The following MAP3K5 variants were observed in gnomAD, a reference collection of about 807,000 sequenced individuals.
MAP3K5 encodes ASK-1.
In MAP3K5, 56 loss-of-function variants were observed where a neutral mutation model predicts 158.7. That is an observed-to-expected ratio of 0.35 (90% confidence interval 0.28 to 0.44). The LOEUF (loss-of-function observed/expected upper bound fraction) is 0.44, where lower values mean the gene tolerates loss of function less well. Ranked by LOEUF, MAP3K5 falls within the 20% of genes least tolerant of loss-of-function variation. MAP3K5 has a pLI of 1.00. For synonymous variants in MAP3K5, 579 were observed against 601.7 expected (o/e 0.96, Z 0.55); for missense variants, 1,294 against 1,674.8 (o/e 0.77, Z 3.97).
intron 1 of MAP3K5, among the ~76,000 whole-genome samples, chr6:136,746,243 C>A (rs981651601): frequency 6.6e-5 from 10 of 151,822 alleles, no homozygotes; most frequent in African/African-American, 1.9e-4. Context: ...AATGAAAAAA[C>A]CAGACATAAA....
chr6:136,715,116 A>G (rs1583466140), intron 2 of MAP3K5, among the ~76,000 whole-genome samples: 1 of 152,346 alleles, frequency 6.6e-6, no homozygotes, highest in East Asian at 1.9e-4. Flanking sequence ...CACAAACTGC[A>G]TCACCACTAA....
At chr6:136,761,860 A>G (rs1032097521) in intron 1 of MAP3K5, among the ~76,000 whole-genome samples, 4 of 152,180 alleles carry the variant, frequency 2.6e-5, no homozygotes, top group Non-Finnish European at 5.9e-5. Flanking sequence ...TGGAGAAGGA[A>G]GGGAAGAAGG....
At chr6:136,678,689 T>A (rs1414044965) in intron 7 of MAP3K5, among the ~76,000 whole-genome samples, 1 of 152,142 alleles carries the variant, frequency 6.6e-6, no homozygotes, top group South Asian at 2.1e-4. Flanking sequence ...ATTTTTTTTT[T>A]ATTTTAGCAC....
rs140219877 is a variant in MAP3K5 at position 136,787,063 on chromosome 6, C to T, written c.448+4647G>A. On this transcript the variant is annotated intron_variant, in intron 1 of 29. Transcript: ENST00000359015. ...GCCATTTCACTTCAGGTGTCACCAC[C>T]TTTAAGAAGCTACCCCTTGCCAGGT... 4.3e-3 allele frequency among the ~76,000 whole-genome samples: 654 copies of T among 152,228 alleles called. 3 individuals carry two copies. Among genetic ancestry groups the T allele is most frequent in the African/African-American group, 0.015 (634 of 41,542 alleles).
chr6:136,620,183 T>C (rs771408423), intron 15 of MAP3K5, among the ~76,000 whole-genome samples: 10 of 152,106 alleles, frequency 6.6e-5, no homozygotes, highest in Non-Finnish European at 1.3e-4. Flanking sequence ...AGCATGAGCA[T>C]TGCTTGAACT....
chr6:136,655,234 T>G (rs549854253), intron 10 of MAP3K5, among the ~76,000 whole-genome samples: 128 of 152,358 alleles, frequency 8.4e-4, no homozygotes, highest in African/African-American at 3.0e-3. Context: ...AATTCTATGT[T>G]CTCTTCTTTC....
intron 14 of MAP3K5, among the ~76,000 whole-genome samples, chr6:136,636,010 G>A (rs991040256): frequency 6.6e-5 from 10 of 152,238 alleles, no homozygotes; most frequent in Admixed American, 3.3e-4. Context: ...AAATAAGTAT[G>A]CCAATTAGAC....
intron 3 of MAP3K5, among the ~76,000 whole-genome samples, chr6:136,701,016 A>G (rs1780832582): frequency 6.6e-6 from 1 of 152,244 alleles, no homozygotes; most frequent in South Asian, 2.1e-4. Flanking sequence ...GGGTATGAAC[A>G]GTCATAAGTC....
In MAP3K5 at chr6:136,583,783, A is replaced by C. The variant is rs1390184110; in HGVS notation, c.3226-43T>G. 3 of 1,563,568 alleles carry C rather than the reference A, an allele frequency of 1.9e-6. No individual in the cohort carries two copies. In the South Asian group the frequency reaches 3.4e-5, roughly 18 times the overall value. On this transcript the variant is annotated intron_variant, in intron 23 of 29. Transcript: ENST00000359015. Reference sequence around the variant, plus strand: ...CAATCCTTACATCAACATATGCTGGATATACCTGCCATGGTAATCCTATCT... The same window carrying C: ...CAATCCTTACATCAACATATGCTGGCTATACCTGCCATGGTAATCCTATCT...
intron 1 of MAP3K5, among the ~76,000 whole-genome samples, chr6:136,722,598 G>C (rs1247796771): frequency 6.6e-6 from 1 of 151,426 alleles, no homozygotes; most frequent in Admixed American, 6.6e-5. Flanking sequence ...GCAAAGTAAA[G>C]GAGTCAATGA....
intron 1 of MAP3K5, among the ~76,000 whole-genome samples, chr6:136,764,952 A>G (rs1783899971): frequency 6.6e-6 from 1 of 152,168 alleles, no homozygotes; most frequent in South Asian, 2.1e-4. Flanking sequence ...CTGAACATGT[A>G]TCTGCTTTGG....
Position 136,791,842 on chromosome 6 carries a change from C to T in MAP3K5, c.316G>A (p.Val106Met). Reference protein sequence around the residue: ...VINEASQGQLVVAESEALQSL... With the variant: ...VINEASQGQLMVAESEALQSL... ...TGCAGGGCCTCGCTCTCGGCCACCA[C>T]CAGTTGCCCTTGGCTCGCTTCGTTG... The change falls in exon 1 of 30, where the codon GTG becomes ATG. Residue 106 changes from valine (V) to methionine (M), a missense_variant. Val to Met is a conservative substitution (Grantham distance 21). Coordinates refer to ENST00000359015, the MANE Select transcript of MAP3K5 (RefSeq NM_005923.4). 2 of 1,613,902 alleles carry T rather than the reference C, an allele frequency of 1.2e-6. No individual in the cohort carries two copies. The highest frequency in any genetic ancestry group is 1.7e-6 in the Non-Finnish European group (2 of 1,180,026).
At chr6:136,597,822 T>C (rs1010672598) in intron 21 of MAP3K5, among the ~76,000 whole-genome samples, 1 of 152,196 alleles carries the variant, frequency 6.6e-6, no homozygotes, top group Admixed American at 6.5e-5. Flanking sequence ...GATCCATCAA[T>C]AGCTTCACTG....
chr6:136,577,048 T>G lies in MAP3K5; in HGVS notation c.3517+3253A>C, dbSNP rs901513740. Among the ~76,000 whole-genome samples the G allele has an allele frequency of 4.7e-4, 71 of 152,122 alleles. 1 individual carries two copies. Among genetic ancestry groups the G allele is most frequent in the African/African-American group, 1.7e-3 (69 of 41,412 alleles). On this transcript the variant is annotated intron_variant, in intron 25 of 29. Coordinates refer to ENST00000359015, the MANE Select transcript of MAP3K5 (RefSeq NM_005923.4). Reference sequence around the variant, plus strand: ...ACAAAATTGCCTAAGGACGCATGTCTCAGAACATAGCCCTGTCATTAAGCA... The same window carrying G: ...ACAAAATTGCCTAAGGACGCATGTCGCAGAACATAGCCCTGTCATTAAGCA...
At chr6:136,790,040 G>C (rs1923120) in intron 1 of MAP3K5, among the ~76,000 whole-genome samples, 85,038 of 151,926 alleles carry the variant, frequency 0.56, 23,921 homozygotes, top group Admixed American at 0.63. Context: ...TCCTGCATTG[G>C]CCACTTACTC....
intron 1 of MAP3K5, among the ~76,000 whole-genome samples, chr6:136,764,376 T>C (rs1783877354): frequency 6.6e-6 from 1 of 152,188 alleles, no homozygotes; most frequent in South Asian, 2.1e-4. Context: ...CATTCACTCA[T>C]AGAATGCTCC....
At chr6:136,718,351 G>A (rs1291653113) in intron 2 of MAP3K5, among the ~76,000 whole-genome samples, 1 of 152,136 alleles carries the variant, frequency 6.6e-6, no homozygotes, top group African/African-American at 2.4e-5. Context: ...TTACAGGCAT[G>A]TGCTGCCACA....
At chr6:136,747,598 G>A (rs1432684855) in intron 1 of MAP3K5, among the ~76,000 whole-genome samples, 2 of 152,206 alleles carry the variant, frequency 1.3e-5, no homozygotes, top group African/African-American at 2.4e-5. Context: ...AAGACTGGCA[G>A]ATTAAAAACA....
At chr6:136,791,662 A>C in intron 1 of MAP3K5, 48 bp downstream of exon 1, 1 of 1,588,412 alleles carries the variant, frequency 6.3e-7, no homozygotes, top group East Asian at 2.2e-5. Flanking sequence ...CCGCCAGATT[A>C]AACGCGGGTC....
Sources: gnomAD v4.1 joint callset for allele counts (sites outside exome capture counted in the v4.1 genomes callset) on GRCh38, gnomAD v4.1.1 for gene constraint, MANE v1.5 for transcripts, NCBI Gene and HGNC (gene_info 2026-07-23, HGNC 2026-07-21) for gene names.